PIP4P2: variants seen among roughly 807,000 people sequenced by gnomAD.
The protein encoded by PIP4P2 is phosphatidylinositol-4,5-bisphosphate 4-phosphatase 2.
A neutral mutation model predicts 33.3 loss-of-function variants in PIP4P2; 19 were observed. The observed-to-expected ratio is 0.57, with a 90% CI of 0.40 to 0.84. The LOEUF is 0.84. Among genes scored for constraint, PIP4P2 ranks in the 40% least tolerant of loss-of-function variants. The probability of loss-of-function intolerance (pLI) is 0.00; values close to 1 mark genes in which losing one functional copy is unlikely to be tolerated. For synonymous variants in PIP4P2, 110 were observed against 111.9 expected (o/e 0.98, Z 0.11); for missense variants, 270 against 324.7 (o/e 0.83, Z 1.29).
intron 1 of PIP4P2, among the ~76,000 whole-genome samples, chr8:91,037,357 T>G (rs573709034): frequency 9.8e-5 from 15 of 152,342 alleles, no homozygotes. Flanking sequence ...CAATACTGCT[T>G]TCTTTGCCTA....
At chr8:91,021,155 C>A in intron 2 of PIP4P2, 101 bp downstream of exon 2, 3 of 1,328,338 alleles carry the variant, frequency 2.3e-6, no homozygotes, top group Non-Finnish European at 2.1e-6. Flanking sequence ...TATTTGTATC[C>A]AGCCCACATA....
intron 3 of PIP4P2, among the ~76,000 whole-genome samples, chr8:91,019,534 TTTGAGACTCTTCCCG>T (rs576083255): frequency 1.2e-3 from 180 of 151,324 alleles, no homozygotes; most frequent in Non-Finnish European, 2.2e-3. Flanking sequence ...AGCCAACTCT[TTTGAGACTCTTCCCG>T]TTGAGACTCT....
chr8:91,011,345 T>C (rs1424833135), intron 4 of PIP4P2, among the ~76,000 whole-genome samples: 1 of 152,054 alleles, frequency 6.6e-6, no homozygotes, highest in Non-Finnish European at 1.5e-5. Context: ...AATGTAATAG[T>C]AAACTCTGCT....
In PIP4P2 at chr8:91,017,654, C is replaced by T. The variant is rs76858697; in HGVS notation, c.486+736G>A. ...AAGCTCATTCATGTCTTAGTGACAG[C>T]AGGTTTTGTTTAGACTCCCATGTGT... is the stretch of plus-strand genomic sequence containing the variant. On this transcript the variant is annotated intron_variant, in intron 4 of 6. Transcript: ENST00000285419. 6.8e-3 allele frequency among the ~76,000 whole-genome samples: 1,041 copies of T among 152,120 alleles called. 12 individuals are homozygous for T. The highest frequency in any genetic ancestry group is 0.024 in the African/African-American group (988 of 41,516).
At chr8:91,025,208 T>C (rs1175742479) in intron 1 of PIP4P2, among the ~76,000 whole-genome samples, 1 of 151,992 alleles carries the variant, frequency 6.6e-6, no homozygotes, top group Non-Finnish European at 1.5e-5. Context: ...AATTAGAATA[T>C]ATTTTAAAAA....
At chr8:91,013,989 T>A (rs1470177331) in intron 4 of PIP4P2, among the ~76,000 whole-genome samples, 2 of 152,184 alleles carry the variant, frequency 1.3e-5, no homozygotes, top group Admixed American at 6.5e-5. Flanking sequence ...TCTGGTTAAA[T>A]ACAGTAAATT....
At chr8:91,037,998 C>T (rs969526341) in intron 1 of PIP4P2, among the ~76,000 whole-genome samples, 1 of 152,062 alleles carries the variant, frequency 6.6e-6, no homozygotes, top group South Asian at 2.1e-4. Context: ...GTATATTAAA[C>T]GAAGCACTGC....
At chr8:91,022,080 A>G (rs910608440) in intron 1 of PIP4P2, among the ~76,000 whole-genome samples, 2 of 152,196 alleles carry the variant, frequency 1.3e-5, no homozygotes, top group African/African-American at 4.8e-5. Context: ...GAAATGCACC[A>G]AAGTGTTTAT....
chr8:91,039,829 G>A (rs1812280639), intron 1 of PIP4P2, among the ~76,000 whole-genome samples: 1 of 151,932 alleles, frequency 6.6e-6, no homozygotes, highest in Admixed American at 6.5e-5. Context: ...CGAATAGTAT[G>A]GTAAATAGAT....
intron 4 of PIP4P2, among the ~76,000 whole-genome samples, chr8:91,017,882 C>T (rs577882992): frequency 1.3e-5 from 2 of 152,272 alleles, no homozygotes; most frequent in Non-Finnish European, 2.9e-5. Context: ...TATCAAATTA[C>T]TTATACTTTC....
At chr8:91,020,564 T>A (rs577241512) in intron 2 of PIP4P2, among the ~76,000 whole-genome samples, 1 of 152,266 alleles carries the variant, frequency 6.6e-6, no homozygotes, top group African/African-American at 2.4e-5. Flanking sequence ...CAAAATGTAA[T>A]ATATAAAGCC....
At chr8:91,026,839 T>A (rs1231996876) in intron 1 of PIP4P2, among the ~76,000 whole-genome samples, 1 of 152,192 alleles carries the variant, frequency 6.6e-6, no homozygotes, top group Non-Finnish European at 1.5e-5. Context: ...CTGTGACACA[T>A]GGTGCCATCC....
intron 3 of PIP4P2, among the ~76,000 whole-genome samples, chr8:91,019,270 T>C (rs1811964647): frequency 6.6e-6 from 1 of 151,240 alleles, no homozygotes; most frequent in African/African-American, 2.4e-5. Context: ...AACTAAGTGA[T>C]TACTTTTTTT....
At chr8:91,038,066 A>G (rs974860898) in intron 1 of PIP4P2, among the ~76,000 whole-genome samples, 2 of 152,224 alleles carry the variant, frequency 1.3e-5, no homozygotes, top group African/African-American at 4.8e-5. Flanking sequence ...AGAGAACACT[A>G]GACATGCTCC....
At chr8:91,018,872 A>G (rs144487337) in intron 3 of PIP4P2, among the ~76,000 whole-genome samples, 19 of 152,290 alleles carry the variant, frequency 1.2e-4, no homozygotes, top group African/African-American at 3.4e-4. Context: ...TTCTATACCA[A>G]CAAAAATCTC....
At chr8:91,034,351 G>C (rs1284778100) in intron 1 of PIP4P2, among the ~76,000 whole-genome samples, 1 of 152,134 alleles carries the variant, frequency 6.6e-6, no homozygotes, top group Non-Finnish European at 1.5e-5. Context: ...CCTGGAGCCT[G>C]ATGCCTACAG....
chr8:91,020,907 T>A (rs1011604005), intron 2 of PIP4P2, among the ~76,000 whole-genome samples: 1 of 152,208 alleles, frequency 6.6e-6, no homozygotes, highest in African/African-American at 2.4e-5. Context: ...GTAATGAAGT[T>A]TAGTACACAA....
chr8:91,006,544 TA>T (rs1405350717), intron 5 of PIP4P2, among the ~76,000 whole-genome samples: 1 of 152,216 alleles, frequency 6.6e-6, no homozygotes, highest in African/African-American at 2.4e-5. Flanking sequence ...TAACCTCTCT[TA>T]ACAGTTGCTG....
chr8:91,015,486 T>C (rs1002507962), intron 4 of PIP4P2, among the ~76,000 whole-genome samples: 3 of 152,024 alleles, frequency 2.0e-5, no homozygotes, highest in African/African-American at 7.2e-5. Flanking sequence ...GAAAAAGTAG[T>C]GAGAAAACAG....
Sources: gnomAD v4.1 joint callset for allele counts (sites outside exome capture counted in the v4.1 genomes callset) on GRCh38, gnomAD v4.1.1 for gene constraint, MANE v1.5 for transcripts, NCBI Gene and HGNC (gene_info 2026-07-23, HGNC 2026-07-21) for gene names.